Variants in KATNAL1 observed in about 807,000 individuals in gnomAD.
KATNAL1 encodes the protein katanin catalytic subunit A1 like 1.
A neutral mutation model predicts 55.2 loss-of-function variants in KATNAL1; 32 were observed. The observed-to-expected ratio is 0.58, with a 90% CI of 0.44 to 0.78. The LOEUF (loss-of-function observed/expected upper bound fraction) is 0.78. KATNAL1 is among the 30% of genes least tolerant of loss of function. KATNAL1 has a pLI of 0.00. For missense variants in KATNAL1, 466 were observed against 600.9 expected, an observed-to-expected ratio of 0.78 and a Z score of 2.35; for synonymous variants, 193 against 193.6, an observed-to-expected ratio of 1.00 and a Z score of 0.02.
rs527611771 is a variant in KATNAL1, at chr13:30,260,498, G to C, written c.324-4883C>G. ...AAAAGTTTAGAAGAATGTATAACTA[G>C]AATAACCAACACAGAGAAGTGCTTA... On this transcript the variant is annotated intron_variant, in intron 3 of 10. Transcript: ENST00000380615. 4.5e-3 allele frequency among the ~76,000 whole-genome samples: 682 copies of C among 152,242 alleles called. 4 individuals are homozygous for C. Among genetic ancestry groups the C allele is most frequent in the African/African-American group, 0.016 (662 of 41,536 alleles).
chr13:30,248,793 C>T (rs1309180423), intron 4 of KATNAL1, among the ~76,000 whole-genome samples: 2 of 152,184 alleles, frequency 1.3e-5, no homozygotes, highest in African/African-American at 2.4e-5. Flanking sequence ...GGTGCGGGGG[C>T]TCACGCCTGT....
chr13:30,282,147 G>T (rs1357569505), intron 2 of KATNAL1, among the ~76,000 whole-genome samples: 1 of 148,182 alleles, frequency 6.7e-6, no homozygotes, highest in Non-Finnish European at 1.5e-5. Context: ...TTAAAAAACG[G>T]TAAGTAGGCA....
chr13:30,271,900 A>C (rs937008550), intron 3 of KATNAL1, among the ~76,000 whole-genome samples: 59 of 143,916 alleles, frequency 4.1e-4, no homozygotes, highest in Non-Finnish European at 7.1e-4. Context: ...AAAAAAAAAA[A>C]CAGAGTTGTG....
intron 1 of KATNAL1, among the ~76,000 whole-genome samples, chr13:30,292,267 C>T (rs1019455850): frequency 6.6e-6 from 1 of 152,144 alleles, no homozygotes; most frequent in Non-Finnish European, 1.5e-5. Context: ...AATCTCAACC[C>T]TTACTTCACA....
At chr13:30,230,403 G>A in intron 8 of KATNAL1, 65 bp downstream of exon 8, 1 of 1,455,914 alleles carries the variant, frequency 6.9e-7, no homozygotes, top group South Asian at 1.3e-5. Context: ...TCCATCCATT[G>A]ATTATGAGTT....
intron 9 of KATNAL1, among the ~76,000 whole-genome samples, chr13:30,216,477 A>G (rs1260720828): frequency 3.3e-5 from 5 of 152,170 alleles, no homozygotes; most frequent in Non-Finnish European, 5.9e-5. Flanking sequence ...CAGTGAGACC[A>G]AGCAGAGCAG....
At position 30,283,695 on chromosome 13, in the gene KATNAL1, T is replaced by G. The variant is rs1165235334; in HGVS notation, c.83A>C (p.Tyr28Ser). The change falls in exon 2 of 11, where the codon TAT becomes TCT. Residue 28 changes from tyrosine (Y) to serine (S), a missense_variant. Physicochemically the swap from Tyr to Ser is moderately radical, Grantham distance 144. Transcript: ENST00000380615. ...LLGNYDSSMVYYQGVMQQIQR... is the reference protein window; with the variant it reads ...LLGNYDSSMVSYQGVMQQIQR... Reference sequence around the variant, plus strand: ...AATCTGCTGCATCACCCCCTGGTAATATACCATTGATGAGTCGTAATTTCC... The same window carrying G: ...AATCTGCTGCATCACCCCCTGGTAAGATACCATTGATGAGTCGTAATTTCC... 1 of 1,614,078 alleles carries G rather than the reference T, an allele frequency of 6.2e-7. No homozygotes were observed. Among genetic ancestry groups the G allele is most frequent in the Non-Finnish European group, 8.5e-7 (1 of 1,179,982 alleles).
intron 6 of KATNAL1, among the ~76,000 whole-genome samples, chr13:30,235,982 A>G (rs1876635093): frequency 1.3e-5 from 2 of 152,224 alleles, no homozygotes; most frequent in African/African-American, 4.8e-5. Flanking sequence ...AAACATTATT[A>G]AGAAAATTAT....
intron 2 of KATNAL1, among the ~76,000 whole-genome samples, 171 bp from the exon 3 acceptor site, chr13:30,280,394 AG>A (rs1402689965): frequency 6.6e-6 from 1 of 152,232 alleles, no homozygotes; most frequent in East Asian, 1.9e-4. Flanking sequence ...AGAAAAGGGT[AG>A]AAATTAGTTT....
intron 9 of KATNAL1, among the ~76,000 whole-genome samples, chr13:30,215,159 A>C (rs1187034113): frequency 1.3e-5 from 2 of 151,918 alleles, no homozygotes; most frequent in South Asian, 2.1e-4. Context: ...TGCAGCCAAA[A>C]AACACATGAA....
At chr13:30,209,038 GA>G (rs1454264313) in intron 10 of KATNAL1, among the ~76,000 whole-genome samples, 2 of 152,192 alleles carry the variant, frequency 1.3e-5, no homozygotes, top group African/African-American at 4.8e-5. Context: ...TTAGGAAACT[GA>G]AGTCAAATTT....
chr13:30,220,767 C>T (rs535750440), intron 9 of KATNAL1, among the ~76,000 whole-genome samples: 6 of 151,080 alleles, frequency 4.0e-5, no homozygotes, highest in East Asian at 3.9e-4. Flanking sequence ...GGTGTGATCT[C>T]GGCTGACTGC....
Position 30,255,518 on chromosome 13 carries a change from G to T in KATNAL1, c.421C>A (p.Pro141Thr). The T allele has an allele frequency of 1.3e-6, 2 of 1,599,642 alleles. No individual in the cohort carries two copies. Among genetic ancestry groups the T allele is most frequent in the Non-Finnish European group, 1.7e-6 (2 of 1,172,964 alleles). The change falls in exon 4 of 11, where the codon CCT becomes ACT. Residue 141 changes from proline (P) to threonine (T), a missense_variant. By Grantham distance (38) the Pro-to-Thr change is conservative. Coordinates refer to ENST00000380615, the MANE Select transcript of KATNAL1 (RefSeq NM_032116.5). ...GAAGGCTTTTCACTCTTTGATATAGGATGTGCTCGGCCTACAGGTCCCCGG... is the reference window on the plus strand; with the variant it reads ...GAAGGCTTTTCACTCTTTGATATAGTATGTGCTCGGCCTACAGGTCCCCGG... ...GARGPVGRAH[P>T]ISKSEKPSTS...
At chr13:30,210,627 C>A in intron 9 of KATNAL1, 185 bp from the exon 10 acceptor site, 2 of 236,988 alleles carry the variant, frequency 8.4e-6, no homozygotes, top group Non-Finnish European at 1.6e-5. Context: ...TCCTATGTGC[C>A]TCTGTTGCAG....
rs1161898622 is a variant in KATNAL1 at position 30,264,712 on chromosome 13, G to T, written c.324-9097C>A. Among the ~76,000 whole-genome samples the T allele has an allele frequency of 1.4e-4, 17 of 123,070 alleles. No homozygotes were observed. The South Asian group carries it at 1.8e-3, about 13-fold the overall frequency. 80.7% of individuals were successfully genotyped at this position (123,070 alleles called of 152,430 possible). A position where few individuals can be genotyped will look rare whatever the true frequency, so the allele number is the denominator to read the frequency against. ...CAGTTAGAATGGCAATCATTAAAAAGTCAGGAAACAACAGGTGCTGGAGAG... is the reference window on the plus strand; with the variant it reads ...CAGTTAGAATGGCAATCATTAAAAATTCAGGAAACAACAGGTGCTGGAGAG... On this transcript the variant is annotated intron_variant, in intron 3 of 10. Coordinates refer to ENST00000380615, the MANE Select transcript of KATNAL1 (RefSeq NM_032116.5).
At chr13:30,269,061 TCCCTCTCCCCCTCC>T (rs1291226723) in intron 3 of KATNAL1, among the ~76,000 whole-genome samples, 1 of 152,044 alleles carries the variant, frequency 6.6e-6, no homozygotes, top group Non-Finnish European at 1.5e-5. Flanking sequence ...CTGCTCCCTC[TCCCTCTCCCCCTCC>T]CCCTCTCCCC....
chr13:30,213,594 C>T (rs1471498991), intron 9 of KATNAL1, among the ~76,000 whole-genome samples: 1 of 152,198 alleles, frequency 6.6e-6, no homozygotes, highest in African/African-American at 2.4e-5. Context: ...TGGGCTTCAA[C>T]CCTGGGATGC....
At position 30,218,098 on chromosome 13, in the gene KATNAL1, C is replaced by T. The variant is rs148202405; in HGVS notation, c.1148-7656G>A. Among the ~76,000 whole-genome samples, 463 of 151,676 alleles carry T rather than the reference C, an allele frequency of 3.1e-3. 2 individuals carry two copies. Among genetic ancestry groups the T allele is most frequent in the African/African-American group, 0.011 (444 of 41,318 alleles). On this transcript the variant is annotated intron_variant, in intron 9 of 10. Coordinates refer to ENST00000380615, the MANE Select transcript of KATNAL1 (RefSeq NM_032116.5). ...CAACACAGAAGTAGGAAGAAGCATG[C>T]GTGCAGCAGAATGGGGGAAAAAGGT...
chr13:30,244,697 T>C (rs1877610717), intron 4 of KATNAL1, among the ~76,000 whole-genome samples: 1 of 152,002 alleles, frequency 6.6e-6, no homozygotes, highest in Admixed American at 6.6e-5. Flanking sequence ...ATAGACATAA[T>C]AAAAAATGAT....
Sources: allele counts gnomAD v4.1 joint callset (sites outside exome capture counted in the v4.1 genomes callset), GRCh38; gene constraint gnomAD v4.1.1; transcripts MANE v1.5; gene names NCBI Gene and HGNC (gene_info 2026-07-23, HGNC 2026-07-21).